DYNLRB1: variants seen among roughly 807,000 people sequenced by gnomAD.
DYNLRB1 encodes the protein ROBL/LC7-like 1.
A neutral mutation model predicts 13.5 loss-of-function variants in DYNLRB1; 6 were observed. The ratio of observed to expected loss-of-function variants is 0.44; its 90% confidence interval spans 0.24 to 0.88. The LOEUF (loss-of-function observed/expected upper bound fraction) is 0.88. Ranked by LOEUF, DYNLRB1 falls within the 40% of genes least tolerant of loss-of-function variation. The pLI, the probability that DYNLRB1 is intolerant of heterozygous loss-of-function variation, is 0.21. For synonymous variants in DYNLRB1, 43 were observed against 45.0 expected, an observed-to-expected ratio of 0.96 and a Z score of 0.18; for missense variants, 93 against 127.2, an observed-to-expected ratio of 0.73 and a Z score of 1.29.
intron 2 of DYNLRB1, chr20:34,533,722 G>A (rs1022624486): frequency 6.3e-5 from 10 of 157,970 alleles, no homozygotes; most frequent in African/African-American, 2.2e-4. Context: ...AGGAGGCTGA[G>A]GCAGGAGAAT....
chr20:34,526,469 T>A, intron 2 of DYNLRB1, 126 bp downstream of exon 2: 1 of 692,890 alleles, frequency 1.4e-6, no homozygotes, highest in Non-Finnish European at 2.3e-6. Context: ...TTTTAATTTT[T>A]AACACCTCCA....
intron 3 of DYNLRB1, among the ~76,000 whole-genome samples, chr20:34,538,861 A>C (rs1254415625): frequency 3.3e-5 from 5 of 152,198 alleles, no homozygotes; most frequent in Admixed American, 1.3e-4. Flanking sequence ...AGGGCAGTTC[A>C]GAGTATGGGG....
chr20:34,516,616 A>C (rs1342075376), intron 1 of DYNLRB1, 155 bp downstream of exon 1: 15 of 1,503,356 alleles, frequency 1.0e-5, no homozygotes, highest in African/African-American at 1.4e-5. Context: ...TTGAGGGTGG[A>C]ACCCGGCGGC....
intron 1 of DYNLRB1, among the ~76,000 whole-genome samples, chr20:34,521,303 G>A (rs1356803587): frequency 1.3e-5 from 2 of 152,058 alleles, no homozygotes; most frequent in Non-Finnish European, 2.9e-5. Context: ...TGAGCACCAC[G>A]CCCAGCTGAA....
chr20:34,534,806 T>C lies in DYNLRB1; in HGVS notation c.247+11T>C. ...TTATGGTTGCACCAGGTAAGGGGTC[T>C]TCTACCTCCCCATGTAGGAACAGAC... On this transcript the variant is annotated intron_variant, in intron 3 of 3. Transcript: ENST00000357156. The C allele has an allele frequency of 6.2e-7, 1 of 1,614,006 alleles. No homozygotes were observed. The highest frequency in any genetic ancestry group is 8.5e-7 in the Non-Finnish European group (1 of 1,180,008).
chr20:34,527,528 A>G (rs1188678829), intron 2 of DYNLRB1, among the ~76,000 whole-genome samples: 1 of 152,174 alleles, frequency 6.6e-6, no homozygotes, highest in Non-Finnish European at 1.5e-5. Context: ...GAGCATCCAC[A>G]TGCTTCATGC....
At chr20:34,532,871 T>A (rs948193782) in intron 2 of DYNLRB1, among the ~76,000 whole-genome samples, 9 of 152,190 alleles carry the variant, frequency 5.9e-5, no homozygotes, top group African/African-American at 1.7e-4. Context: ...TCTTTACCAC[T>A]CAGCCAGTCG....
intron 1 of DYNLRB1, among the ~76,000 whole-genome samples, chr20:34,517,062 G>T (rs894818132): frequency 1.3e-5 from 2 of 152,120 alleles, no homozygotes; most frequent in African/African-American, 2.4e-5. Flanking sequence ...AACGGGCGGG[G>T]TCTGCTCTTG....
chr20:34,539,802 C>CA (rs1314134868), intron 3 of DYNLRB1, among the ~76,000 whole-genome samples: 1 of 151,492 alleles, frequency 6.6e-6, no homozygotes, highest in African/African-American at 2.4e-5. Flanking sequence ...TGACCTTCTA[C>CA]AAAAAACTTT....
Position 34,526,331 on chromosome 20 carries a change from G to T in DYNLRB1, c.67G>T (p.Val23Leu). The T allele has an allele frequency of 6.2e-7, 1 of 1,614,070 alleles. No individual in the cohort carries two copies. The highest frequency in any genetic ancestry group is 8.5e-7 in the Non-Finnish European group (1 of 1,180,012). ...GAAGGGAGTGCAGGGAATCATCGTC[G>T]TGAACACAGAAGGTACGCCCTCCCT... ...SQKGVQGIIVVNTEGIPIKST... is the reference protein window; with the variant it reads ...SQKGVQGIIVLNTEGIPIKST... The change falls in exon 2 of 4, where the codon GTG (valine) becomes TTG (leucine). Residue 23 changes from valine to leucine, a missense_variant. Val to Leu is a conservative substitution (Grantham distance 32). Transcript: ENST00000357156.
At chr20:34,522,688 G>T (rs1327851174) in intron 1 of DYNLRB1, among the ~76,000 whole-genome samples, 8 of 151,786 alleles carry the variant, frequency 5.3e-5, no homozygotes, top group African/African-American at 1.5e-4. Flanking sequence ...TGCCCAGGCT[G>T]GTCTCAAACT....
At chr20:34,530,159 C>G (rs1041847861) in intron 2 of DYNLRB1, 2 of 1,203,070 alleles carry the variant, frequency 1.7e-6, no homozygotes, top group African/African-American at 1.6e-5. Flanking sequence ...GAGAGGCCCT[C>G]ATTCTTGCCT....
At chr20:34,530,338 C>A in intron 2 of DYNLRB1, 1 of 965,776 alleles carries the variant, frequency 1.0e-6, no homozygotes, top group Non-Finnish European at 1.2e-6. Flanking sequence ...CCCTACTTAA[C>A]TTATCAGCTA....
At chr20:34,536,458 G>A (rs982268989) in intron 3 of DYNLRB1, 7 of 985,232 alleles carry the variant, frequency 7.1e-6, no homozygotes, top group Admixed American at 6.2e-5. Context: ...CCCAAAAGTC[G>A]GGCCGGGATG....
At chr20:34,531,353 A>C (rs1029709556) in intron 2 of DYNLRB1, 9 of 152,398 alleles carry the variant, frequency 5.9e-5, no homozygotes, top group Admixed American at 3.9e-4. Context: ...CACAGTGTTC[A>C]TTTGTGAAGA....
intron 3 of DYNLRB1, among the ~76,000 whole-genome samples, chr20:34,536,897 C>T (rs1981193709): frequency 6.6e-6 from 1 of 152,188 alleles, no homozygotes; most frequent in Non-Finnish European, 1.5e-5. Flanking sequence ...AAATTCTCCA[C>T]AGACAGTGTC....
intron 3 of DYNLRB1, chr20:34,536,571 C>T (rs1981157520): frequency 2.9e-6 from 2 of 700,166 alleles, no homozygotes; most frequent in Admixed American, 6.3e-5. Flanking sequence ...ATGGTGAAAC[C>T]CCGTCTCTAC....
chr20:34,534,071 G>GCAGAGGTTGCAGTGAGC (rs1173375183), intron 2 of DYNLRB1, among the ~76,000 whole-genome samples: 3 of 151,392 alleles, frequency 2.0e-5, no homozygotes, highest in East Asian at 3.9e-4. Context: ...AACCCGGGAG[G>GCAGAGGTTGCAGTGAGC]CAGAGGTTGC....
intron 3 of DYNLRB1, among the ~76,000 whole-genome samples, 182 bp from the exon 4 acceptor site, chr20:34,540,399 C>CAGGAATCTTAAAGGTTT (rs1981484843): frequency 6.6e-6 from 1 of 152,230 alleles, no homozygotes; most frequent in Non-Finnish European, 1.5e-5. Flanking sequence ...GGAGCCCCTG[C>CAGGAATCTTAAAGGTTT]AGGAATCTTA....
Sources: gnomAD v4.1 joint callset for allele counts (sites outside exome capture counted in the v4.1 genomes callset) on GRCh38, gnomAD v4.1.1 for gene constraint, MANE v1.5 for transcripts, NCBI Gene and HGNC (gene_info 2026-07-23, HGNC 2026-07-21) for gene names.